Variants in GRAP2 observed in about 807,000 individuals in gnomAD.
The protein encoded by GRAP2 is GRB2 related adaptor protein 2.
GRAP2 carries 31 observed loss-of-function variants against 43.5 expected under a neutral mutation model. The ratio of observed to expected loss-of-function variants is 0.71; its 90% CI spans 0.54 to 0.96. GRAP2 has a LOEUF of 0.96. Ranked by LOEUF, GRAP2 falls within the 40% of genes least tolerant of loss-of-function variation. GRAP2 has a pLI of 0.00. For missense variants in GRAP2, 371 were observed against 424.4 expected (o/e 0.87, Z 1.11); for synonymous variants, 156 against 164.8 (o/e 0.95, Z 0.41).
upstream of GRAP2, among the ~76,000 whole-genome samples, chr22:39,897,681 G>A (rs1444172320): frequency 6.6e-6 from 1 of 151,826 alleles, no homozygotes; most frequent in Non-Finnish European, 1.5e-5. Flanking sequence ...CACCATGCCT[G>A]GCTAATTTTG....
At chr22:39,924,186 G>T (rs565540191) in intron 1 of GRAP2, among the ~76,000 whole-genome samples, 1 of 152,130 alleles carries the variant, frequency 6.6e-6, no homozygotes, top group African/African-American at 2.4e-5. Flanking sequence ...ACTCATTCTG[G>T]ATGAACTTTA....
intron 1 of GRAP2, among the ~76,000 whole-genome samples, chr22:39,910,413 T>G (rs2066552489): frequency 6.6e-6 from 1 of 152,072 alleles, no homozygotes; most frequent in Non-Finnish European, 1.5e-5. Flanking sequence ...TCTTTTCTTT[T>G]TTTCTTTTTT....
At chr22:39,966,182 C>T in intron 5 of GRAP2, 24 bp downstream of exon 5, 1 of 1,602,298 alleles carries the variant, frequency 6.2e-7, no homozygotes, top group South Asian at 1.1e-5. Flanking sequence ...CCAGTCGACC[C>T]CAATCTAGAG....
At chr22:39,911,374 C>CA (rs2066564267) in intron 1 of GRAP2, among the ~76,000 whole-genome samples, 5 of 151,776 alleles carry the variant, frequency 3.3e-5, no homozygotes, top group African/African-American at 1.2e-4. Flanking sequence ...TGACTCTCTT[C>CA]CCTCCATCAC....
chr22:39,895,282 C>G, the GRAP2 span, among the ~76,000 whole-genome samples: 1 of 152,136 alleles, frequency 6.6e-6, no homozygotes, highest in Admixed American at 6.5e-5. Flanking sequence ...GTTTCTATCT[C>G]CTACTACTTC....
At chr22:39,932,008 T>C (rs1283421787) in intron 1 of GRAP2, among the ~76,000 whole-genome samples, 6 of 152,154 alleles carry the variant, frequency 3.9e-5, no homozygotes, top group Non-Finnish European at 7.3e-5. Flanking sequence ...AACCACAACC[T>C]TCACTAGAAC....
rs759098932 is a variant in GRAP2 at position 39,966,152 on chromosome 22, A to G, written c.453A>G (p.Glu151=). The G allele has an allele frequency of 6.2e-7, 1 of 1,613,934 alleles. No individual in the cohort carries two copies. Among genetic ancestry groups the G allele is most frequent in the East Asian group, 2.2e-5 (1 of 44,884 alleles). ...KQIFLRDRTR[E]DQGHRGNSLD... is the part of the protein sequence containing the mutation. ...TCTTCCTTAGAGACAGAACCCGAGAAGACCAGGTATGCTCCAGATCCAGTC... is the reference window on the plus strand; with the variant it reads ...TCTTCCTTAGAGACAGAACCCGAGAGGACCAGGTATGCTCCAGATCCAGTC... The change falls in exon 5 of 8, where the codon GAA becomes GAG. Residue 151 remains glutamate (E), a synonymous_variant. Transcript: ENST00000344138.
Position 39,947,536 on chromosome 22 carries a change from G to A in GRAP2, c.78+352G>A, listed in dbSNP as rs562510872. 3.8e-4 allele frequency: 93 copies of A among 246,412 alleles called. 2 individuals are homozygous for A. In the South Asian group the frequency reaches 6.0e-3, roughly 16 times the overall value. The allele number at this position is 246,412 out of a possible 1,614,324, so 15.3% of individuals were successfully genotyped here. A position where few individuals can be genotyped will look rare whatever the true frequency, so the allele number is the denominator to read the frequency against. ...TTGTAGGAGTGTGTGCAATGTGAAC[G>A]TCAGGAATGCACTGAAGGTGACTTG... On this transcript the variant is annotated intron_variant, in intron 2 of 7. Transcript: ENST00000344138.
Position 39,972,216 on chromosome 22 carries a change from A to G in GRAP2, c.*1132A>G, listed in dbSNP as rs760552236. On this transcript the variant is annotated 3_prime_UTR_variant, in exon 8 of 8. Coordinates refer to ENST00000344138, the MANE Select transcript of GRAP2 (RefSeq NM_004810.4). ...CCATCACGCTAGAATCATGTGTCCA[A>G]GGGCTCACTCTGGAGGTGCACAGCA... 31 of 152,402 alleles carry G rather than the reference A, an allele frequency of 2.0e-4. No homozygotes were observed. The highest frequency in any genetic ancestry group is 3.4e-4 in the Non-Finnish European group (23 of 68,144). The allele number at this position is 152,402 out of a possible 1,614,324, so 9.4% of individuals were successfully genotyped here.
intron 7 of GRAP2, among the ~76,000 whole-genome samples, 159 bp from the exon 8 acceptor site, chr22:39,970,746 C>A (rs2067232005): frequency 6.6e-6 from 1 of 152,080 alleles, no homozygotes; most frequent in African/African-American, 2.4e-5. Context: ...CATAGCAAGA[C>A]CCCATCTCTA....
chr22:39,928,597 G>A (rs995220197), intron 1 of GRAP2, among the ~76,000 whole-genome samples: 13 of 152,152 alleles, frequency 8.5e-5, no homozygotes, highest in African/African-American at 3.1e-4. Context: ...CTTGAAAGTT[G>A]AATTGGAGTC....
chr22:39,964,346 C>T, intron 4 of GRAP2: 2 of 707,086 alleles, frequency 2.8e-6, no homozygotes, highest in South Asian at 1.5e-5. Context: ...CGTCCAGTGG[C>T]AGGGTCTGGG....
intron 1 of GRAP2, among the ~76,000 whole-genome samples, chr22:39,946,104 G>C (rs2066919713): frequency 6.6e-6 from 1 of 152,152 alleles, no homozygotes; most frequent in Non-Finnish European, 1.5e-5. Flanking sequence ...CAGGTGATCT[G>C]CCCGCCTCGA....
In GRAP2 at chr22:39,952,911, T is replaced by C. The variant is rs1006368780; in HGVS notation, c.79-2908T>C. 7.9e-5 allele frequency among the ~76,000 whole-genome samples: 12 copies of C among 152,170 alleles called. 1 individual carries two copies. Among genetic ancestry groups the C allele is most frequent in the Admixed American group, 4.6e-4 (7 of 15,282 alleles). On this transcript the variant is annotated intron_variant, in intron 2 of 7. Transcript: ENST00000344138. ...AGCTCTGTGAGGTGCTAGGTGGCTA[T>C]TATTATCTCCATTTTTCAAATGGCT...
At chr22:39,950,113 C>T (rs1380450890) in intron 2 of GRAP2, among the ~76,000 whole-genome samples, 2 of 152,040 alleles carry the variant, frequency 1.3e-5, no homozygotes, top group Non-Finnish European at 2.9e-5. Flanking sequence ...ATGTATACAC[C>T]GCCCTTTCTC....
chr22:39,933,841 GAAA>G (rs763095563), intron 1 of GRAP2, among the ~76,000 whole-genome samples: 1 of 131,450 alleles, frequency 7.6e-6, no homozygotes. Context: ...ACCCTGTCTC[GAAA>G]AAAAAAAAAA....
chr22:39,901,255 C>A lies in GRAP2; in HGVS notation c.-90C>A. 7.8e-7 allele frequency: 1 copy of A among 1,274,494 alleles called. No individual in the cohort carries two copies. The highest frequency in any genetic ancestry group is 1.0e-6 in the Non-Finnish European group (1 of 975,306). The allele number at this position is 1,274,494 out of a possible 1,614,324, so 78.9% of individuals were successfully genotyped here. ...GTAACTCTGATGCTTGAATTTGTCT[C>A]CCTTCTTGCCAGAAAGGATTCTAAT... On this transcript the variant is annotated 5_prime_UTR_variant, in exon 1 of 8. Coordinates refer to ENST00000344138, the MANE Select transcript of GRAP2 (RefSeq NM_004810.4).
chr22:39,896,255 C>T (rs909772149), upstream of GRAP2, among the ~76,000 whole-genome samples: 3 of 152,180 alleles, frequency 2.0e-5, no homozygotes, highest in African/African-American at 7.2e-5. Context: ...AGGTCATGGG[C>T]ATAGTGTGAA....
intron 4 of GRAP2, among the ~76,000 whole-genome samples, chr22:39,961,248 T>C (rs959465747): frequency 3.3e-5 from 5 of 152,020 alleles, no homozygotes; most frequent in African/African-American, 9.7e-5. Context: ...TGACCCACTG[T>C]GGGGAAGAGG....
Sources: gnomAD v4.1 joint callset for allele counts (sites outside exome capture counted in the v4.1 genomes callset) on GRCh38, gnomAD v4.1.1 for gene constraint, MANE v1.5 for transcripts, NCBI Gene and HGNC (gene_info 2026-07-23, HGNC 2026-07-21) for gene names.